The following CERS6 variants were observed in gnomAD, a reference collection of about 807,000 sequenced individuals.
CERS6 encodes ceramide synthase 6.
Under a neutral mutation model 56.8 loss-of-function variants are expected in CERS6, and 26 were observed. That is an observed-to-expected ratio of 0.46 (90% confidence interval 0.34 to 0.63). The LOEUF (loss-of-function observed/expected upper bound fraction) is 0.63. Among genes scored for constraint, CERS6 ranks in the 30% least tolerant of loss-of-function variants. The pLI, the probability that CERS6 is intolerant of heterozygous loss-of-function variation, is 0.01. For missense variants in CERS6, 415 were observed against 467.5 expected, an observed-to-expected ratio of 0.89 and a Z score of 1.04; for synonymous variants, 164 against 173.3, an observed-to-expected ratio of 0.95 and a Z score of 0.42.
chr2:168,636,327 A>T (rs754374494), intron 4 of CERS6, among the ~76,000 whole-genome samples: 1 of 152,238 alleles, frequency 6.6e-6, no homozygotes, highest in Admixed American at 6.5e-5. Flanking sequence ...GATAAGTTTT[A>T]AAAAGCTAGC....
chr2:168,667,153 C>G (rs923122693), intron 4 of CERS6, among the ~76,000 whole-genome samples: 2 of 152,142 alleles, frequency 1.3e-5, no homozygotes. Flanking sequence ...CAATATATTT[C>G]GGATTGGGAT....
At position 168,459,633 on chromosome 2, in the gene CERS6, T is replaced by C. The variant is rs528536730; in HGVS notation, c.170+3015T>C. Among the ~76,000 whole-genome samples the C allele has an allele frequency of 2.7e-5, 3 of 110,796 alleles. No homozygotes were observed. In the South Asian group the frequency reaches 7.7e-4, roughly 28 times the overall value. 72.7% of individuals were successfully genotyped at this position (110,796 alleles called of 152,430 possible). A position where few individuals can be genotyped will look rare whatever the true frequency, so the allele number is the denominator to read the frequency against. ...TGATTGACAGAGTAAAGTATGTGGG[T>C]TTTTTTTTTTCCCCCAACTGGGCTG... is the stretch of plus-strand genomic sequence containing the variant. On this transcript the variant is annotated intron_variant, in intron 1 of 9. Transcript: ENST00000305747.
At chr2:168,501,578 G>T (rs971054346) in intron 1 of CERS6, among the ~76,000 whole-genome samples, 5 of 152,110 alleles carry the variant, frequency 3.3e-5, no homozygotes, top group Non-Finnish European at 5.9e-5. Flanking sequence ...AATTTCAAAA[G>T]GAGAGAGTCA....
intron 9 of CERS6, among the ~76,000 whole-genome samples, chr2:168,768,706 GACCAGCCT>G (rs1367981246): frequency 6.6e-6 from 1 of 151,892 alleles, no homozygotes; most frequent in Non-Finnish European, 1.5e-5. Context: ...AGGAGTTCCA[GACCAGCCT>G]GGCCAACATA....
rs541783535 is a variant in CERS6 at position 168,729,637 on chromosome 2, C to T, written c.845+11659C>T. Among the ~76,000 whole-genome samples, 3 of 152,324 alleles carry T rather than the reference C, an allele frequency of 2.0e-5. No individual in the cohort carries two copies. The East Asian group carries it at 5.8e-4, about 29-fold the overall frequency. The stretch of plus-strand genomic sequence containing the variant: ...TCTGTGGTGCTATCAGAGCAGGCCA[C>T]GCTGGCTGTGTCCTTTAGTTGGCAG... On this transcript the variant is annotated intron_variant, in intron 8 of 9. Coordinates refer to ENST00000305747, the MANE Select transcript of CERS6 (RefSeq NM_203463.3).
chr2:168,704,241 G>A (rs575978889), intron 6 of CERS6, among the ~76,000 whole-genome samples: 1 of 152,248 alleles, frequency 6.6e-6, no homozygotes, highest in Non-Finnish European at 1.5e-5. Context: ...ACGACCAGGA[G>A]CCTCTTCTTC....
In CERS6 at chr2:168,526,643, A is replaced by G. The variant is rs1016386839; in HGVS notation, c.171-20953A>G. 2.6e-5 allele frequency among the ~76,000 whole-genome samples: 4 copies of G among 152,348 alleles called. No individual in the cohort carries two copies. The South Asian group carries it at 8.3e-4, about 32-fold the overall frequency. On this transcript the variant is annotated intron_variant, in intron 1 of 9. Coordinates refer to ENST00000305747, the MANE Select transcript of CERS6 (RefSeq NM_203463.3). Reference sequence around the variant, plus strand: ...TATCTCACAGCTAGTAAGTGATCAAATCAGGATTTGAACCTATGACAGCTT... The same window carrying G: ...TATCTCACAGCTAGTAAGTGATCAAGTCAGGATTTGAACCTATGACAGCTT...
chr2:168,640,622 G>A (rs949006744), intron 4 of CERS6, among the ~76,000 whole-genome samples: 2 of 152,210 alleles, frequency 1.3e-5, no homozygotes, highest in Non-Finnish European at 2.9e-5. Flanking sequence ...AAGCATCGAT[G>A]CACAAGACAT....
intron 4 of CERS6, chr2:168,644,254 A>G: frequency 1.0e-6 from 1 of 963,506 alleles, no homozygotes; most frequent in Non-Finnish European, 1.2e-6. Context: ...TGAGCATGTG[A>G]CTGAGGATGA....
intron 1 of CERS6, among the ~76,000 whole-genome samples, chr2:168,486,527 T>TG (rs1694278636): frequency 1.3e-5 from 2 of 150,802 alleles, no homozygotes; most frequent in Admixed American, 1.3e-4. Flanking sequence ...TGGTTTTGTT[T>TG]TTTTTTTTTT....
In CERS6 at chr2:168,467,267, T is replaced by C. The variant is rs554428543; in HGVS notation, c.170+10649T>C. ...CTGCCAGCTAGTCTAAGTGGCTCTG[T>C]AGATCTTGTTTTAATAGCTCACCAT... is the stretch of plus-strand genomic sequence containing the variant. On this transcript the variant is annotated intron_variant, in intron 1 of 9. Transcript: ENST00000305747. Among the ~76,000 whole-genome samples the C allele has an allele frequency of 4.6e-5, 7 of 152,328 alleles. No homozygotes were observed. In the South Asian group the frequency reaches 1.5e-3, roughly 32 times the overall value.
At chr2:168,673,322 T>C (rs963031283) in intron 4 of CERS6, among the ~76,000 whole-genome samples, 1 of 152,198 alleles carries the variant, frequency 6.6e-6, no homozygotes, top group South Asian at 2.1e-4. Flanking sequence ...TGATTACGAA[T>C]AATGCCCTGA....
intron 3 of CERS6, among the ~76,000 whole-genome samples, chr2:168,562,622 A>G (rs1444500151): frequency 6.6e-6 from 1 of 152,230 alleles, no homozygotes. Context: ...GGAGTAAAGA[A>G]TAACAAGGCA....
intron 1 of CERS6, among the ~76,000 whole-genome samples, chr2:168,546,695 A>G (rs1695471167): frequency 6.6e-6 from 1 of 152,372 alleles, no homozygotes; most frequent in Admixed American, 6.5e-5. Flanking sequence ...ATACTTTCAC[A>G]TGATATGAAA....
At chr2:168,477,197 G>GC (rs1694090874) in intron 1 of CERS6, among the ~76,000 whole-genome samples, 1 of 150,860 alleles carries the variant, frequency 6.6e-6, no homozygotes, top group African/African-American at 2.4e-5. Flanking sequence ...GAGAGAGAGA[G>GC]AGAGAGAGAG....
intron 3 of CERS6, among the ~76,000 whole-genome samples, chr2:168,626,174 C>T (rs1684586025): frequency 1.3e-5 from 2 of 152,110 alleles, no homozygotes; most frequent in African/African-American, 2.4e-5. Context: ...GATAATAATG[C>T]CTACCTTGTT....
intron 8 of CERS6, among the ~76,000 whole-genome samples, chr2:168,733,091 C>T (rs1446500593): frequency 1.3e-5 from 2 of 152,122 alleles, no homozygotes; most frequent in Non-Finnish European, 2.9e-5. Flanking sequence ...GAGATATTGT[C>T]ACTTGCTTCC....
intron 8 of CERS6, among the ~76,000 whole-genome samples, chr2:168,726,825 C>T (rs1412474255): frequency 1.3e-5 from 2 of 152,180 alleles, no homozygotes; most frequent in Admixed American, 1.3e-4. Flanking sequence ...TTTATAACCT[C>T]CTACTAGTCT....
intron 8 of CERS6, among the ~76,000 whole-genome samples, chr2:168,755,713 T>C (rs1409396957): frequency 6.6e-6 from 1 of 152,252 alleles, no homozygotes; most frequent in Non-Finnish European, 1.5e-5. Context: ...GTGTTTCTGC[T>C]GTAAATAGCC....
Sources: gnomAD v4.1 joint callset for allele counts (sites outside exome capture counted in the v4.1 genomes callset) on GRCh38, gnomAD v4.1.1 for gene constraint, MANE v1.5 for transcripts, NCBI Gene and HGNC (gene_info 2026-07-23, HGNC 2026-07-21) for gene names.